MGAM: variants seen among roughly 807,000 people sequenced by gnomAD.
The protein encoded by MGAM is alpha-1,4-glucosidase.
MGAM carries 253 observed loss-of-function variants against 358.8 expected under a neutral mutation model. That is an observed-to-expected ratio of 0.71 (90% CI 0.64 to 0.78). The LOEUF is 0.78. Ranked by LOEUF, MGAM falls within the 30% of genes least tolerant of loss-of-function variation. The probability of loss-of-function intolerance (pLI) is 0.00; values close to 1 mark genes in which losing one functional copy is unlikely to be tolerated. For missense variants in MGAM, 3,080 were observed against 3,432.6 expected, an observed-to-expected ratio of 0.90 and a Z score of 2.57; for synonymous variants, 1,105 against 1,227.1, an observed-to-expected ratio of 0.90 and a Z score of 2.08.
At chr7:142,056,118 T>C in intron 29 of MGAM, 22 bp downstream of exon 29, 1 of 1,576,954 alleles carries the variant, frequency 6.3e-7, no homozygotes. Flanking sequence ...AGCACCTCCC[T>C]TATTTTGGGG....
intron 34 of MGAM, among the ~76,000 whole-genome samples, chr7:142,060,692 C>G (rs62477623): frequency 0.17 from 23,832 of 144,112 alleles, 24 homozygotes; most frequent in Middle Eastern, 0.3. Flanking sequence ...GAAATTCCCA[C>G]TGGGCGATAC....
intron 59 of MGAM, 96 bp downstream of exon 59, chr7:142,092,704 G>A: frequency 1.8e-6 from 2 of 1,136,228 alleles, no homozygotes; most frequent in Non-Finnish European, 2.5e-6. Context: ...ACAGCTCAGG[G>A]CACATCCTCA....
rs1810277892 is a variant in MGAM, at chr7:142,045,856, T to TG, written c.2499-1929_2499-1928insG. 4.9e-5 allele frequency among the ~76,000 whole-genome samples: 6 copies of TG among 121,282 alleles called. 2 individuals are homozygous for TG. Among genetic ancestry groups the TG allele is most frequent in the African/African-American group, 1.7e-4 (5 of 30,018 alleles). 79.6% of individuals were successfully genotyped at this position (121,282 alleles called of 152,430 possible). A position where few individuals can be genotyped will look rare whatever the true frequency, so the allele number is the denominator to read the frequency against. ...ATATATACATACAATATGTAATATATATATTATATATACATACAATATGTA... is the reference window on the plus strand; with the variant it reads ...ATATATACATACAATATGTAATATATGATATTATATATACATACAATATGTA... On this transcript the variant is annotated intron_variant, in intron 21 of 70. Transcript: ENST00000475668.
rs1283708069 is a variant in MGAM at position 142,088,721 on chromosome 7, A to ATGTCTGTC, written c.6810+2026_6810+2033dup. 5.5e-3 allele frequency among the ~76,000 whole-genome samples: 655 copies of ATGTCTGTC among 118,598 alleles called. 11 individuals carry two copies. The highest frequency in any genetic ancestry group is 0.019 in the African/African-American group (618 of 32,150). The allele number at this position is 118,598 out of a possible 152,430, so 77.8% of individuals were successfully genotyped here. On this transcript the variant is annotated intron_variant, in intron 57 of 70. Coordinates refer to ENST00000475668, the MANE Select transcript of MGAM (RefSeq NM_001365693.1). Reference sequence around the variant, plus strand: ...ATCCATCCAGCCACCCTATTCATTTATGTCTGTCTGTCTGTCTGTCTGTCT... The same window carrying ATGTCTGTC: ...ATCCATCCAGCCACCCTATTCATTTATGTCTGTCTGTCTGTCTGTCTGTCTGTCTGTCT...
chr7:142,037,142 T>TCTATCTAA (rs1808067014), intron 18 of MGAM, among the ~76,000 whole-genome samples, 165 bp downstream of exon 18: 1 of 152,188 alleles, frequency 6.6e-6, no homozygotes, highest in African/African-American at 2.4e-5. Flanking sequence ...TATCTATCTA[T>TCTATCTAA]CTATCTAACT....
chr7:142,089,333 G>T (rs753519665), intron 57 of MGAM, among the ~76,000 whole-genome samples: 2 of 146,556 alleles, frequency 1.4e-5, no homozygotes, highest in Non-Finnish European at 3.1e-5. Flanking sequence ...CCATAGCTCT[G>T]ATTTCAGGGA....
upstream of MGAM, among the ~76,000 whole-genome samples, chr7:141,993,247 A>C (rs1804023098): frequency 6.6e-6 from 1 of 152,246 alleles, no homozygotes; most frequent in South Asian, 2.1e-4. Flanking sequence ...TAGAAATAGC[A>C]GTAGCTGAGC....
intron 45 of MGAM, among the ~76,000 whole-genome samples, chr7:142,075,833 G>A (rs1456851797): frequency 2.1e-5 from 3 of 145,856 alleles, no homozygotes; most frequent in African/African-American, 7.3e-5. Flanking sequence ...GACTGTTGGT[G>A]GGACTGTAAA....
intron 50 of MGAM, among the ~76,000 whole-genome samples, chr7:142,081,281 A>C (rs1814246722): frequency 6.8e-6 from 1 of 146,384 alleles, no homozygotes; most frequent in Admixed American, 6.9e-5. Flanking sequence ...TAGTATAAAA[A>C]GGAGATTGTG....
intron 54 of MGAM, 29 bp from the exon 55 acceptor site, chr7:142,085,804 G>A: frequency 6.4e-7 from 1 of 1,558,748 alleles, no homozygotes; most frequent in African/African-American, 1.3e-5. Flanking sequence ...TACAGCAGCA[G>A]CCTCTCAGCT....
In MGAM at chr7:142,053,218, C is replaced by A. The variant is rs994719734; in HGVS notation, c.3159+234C>A. ...ATGGTTGGGAGAGCAAGAGTAGGTACGGAGAGACAACTTGGGAGGCTACCA... is the reference window on the plus strand; with the variant it reads ...ATGGTTGGGAGAGCAAGAGTAGGTAAGGAGAGACAACTTGGGAGGCTACCA... On this transcript the variant is annotated intron_variant, in intron 26 of 70. Transcript: ENST00000475668. Among the ~76,000 whole-genome samples the A allele has an allele frequency of 2.0e-5, 3 of 152,110 alleles. No homozygotes were observed. The East Asian group carries it at 5.8e-4, about 29-fold the overall frequency.
intron 21 of MGAM, among the ~76,000 whole-genome samples, chr7:142,044,494 T>A (rs1255263318): frequency 7.9e-4 from 98 of 124,302 alleles, no homozygotes; most frequent in African/African-American, 1.6e-3. Context: ...TTATATACAC[T>A]TACGATATAT....
chr7:142,055,325 G>C (rs1324123156), intron 27 of MGAM, among the ~76,000 whole-genome samples: 1 of 152,116 alleles, frequency 6.6e-6, no homozygotes, highest in African/African-American at 2.4e-5. Context: ...TTTGTATTGT[G>C]GAGGACCACT....
In MGAM at chr7:142,091,871, T is replaced by C; in HGVS notation, c.6811-42T>C. On this transcript the variant is annotated intron_variant, in intron 57 of 70. Transcript: ENST00000475668. ...CAGTAAGTGCCTGTTTGCTGTCTTC[T>C]ATATTTGTGTGGGACAAAGAAATTA... 2 of 1,386,420 alleles carry C rather than the reference T, an allele frequency of 1.4e-6. 1 individual carries two copies. The highest frequency in any genetic ancestry group is 2.0e-6 in the Non-Finnish European group (2 of 1,018,090). The allele number at this position is 1,386,420 out of a possible 1,614,324, so 85.9% of individuals were successfully genotyped here.
intron 64 of MGAM, among the ~76,000 whole-genome samples, 153 bp from the exon 65 acceptor site, chr7:142,096,178 G>C (rs1324519559): frequency 1.3e-5 from 2 of 152,198 alleles, no homozygotes; most frequent in Admixed American, 1.3e-4. Context: ...AGCAGAGGCT[G>C]GGTGCTCCTG....
In MGAM at chr7:142,087,346, C is replaced by G. The variant is rs1814856483; in HGVS notation, c.6810+629C>G. Among the ~76,000 whole-genome samples the G allele has an allele frequency of 1.4e-5, 2 of 145,696 alleles. 1 individual carries two copies. The highest frequency in any genetic ancestry group is 4.4e-4 in the South Asian group (2 of 4,572). On this transcript the variant is annotated intron_variant, in intron 57 of 70. Transcript: ENST00000475668. ...ATCCAAGTAGCCCATGCTTCTGTAC[C>G]TGAATTTTTTTCCAGATTCACTAAG... is the stretch of plus-strand genomic sequence containing the variant.
At chr7:142,065,968 GT>G (rs35268349) in intron 40 of MGAM, 137 bp downstream of exon 40, 26,935 of 604,878 alleles carry the variant, frequency 0.045, 1,938 homozygotes, top group African/African-American at 0.14. Context: ...GTTTTGTTTT[GT>G]TTTTTTTTTT....
chr7:142,053,917 C>T (rs1228790734), intron 26 of MGAM, among the ~76,000 whole-genome samples: 1 of 152,164 alleles, frequency 6.6e-6, no homozygotes, highest in Non-Finnish European at 1.5e-5. Context: ...GAGTTCTAGC[C>T]TTAACCATTG....
At chr7:142,045,309 T>G (rs1331914741) in intron 21 of MGAM, among the ~76,000 whole-genome samples, 1 of 60,360 alleles carries the variant, frequency 1.7e-5, no homozygotes, top group East Asian at 4.8e-4. Context: ...ATATTATATG[T>G]ACCTATAATA....
Sources: allele counts gnomAD v4.1 joint callset (sites outside exome capture counted in the v4.1 genomes callset), GRCh38; gene constraint gnomAD v4.1.1; transcripts MANE v1.5; gene names NCBI Gene and HGNC (gene_info 2026-07-23, HGNC 2026-07-21).